SOX6: variants seen among roughly 807,000 people sequenced by gnomAD.
The protein encoded by SOX6 is SRY-box transcription factor 6, also known as transcription factor SOX-6.
A neutral mutation model predicts 97.8 loss-of-function variants in SOX6; 11 were observed. The observed-to-expected ratio is 0.11, with a 90% CI of 0.07 to 0.19. SOX6 has a LOEUF of 0.19. Ranked by LOEUF, SOX6 falls within the 10% of genes least tolerant of loss-of-function variation. SOX6 has a pLI of 1.00. For missense variants in SOX6, 810 were observed against 1,039.5 expected (o/e 0.78, Z 3.04); for synonymous variants, 360 against 371.4 (o/e 0.97, Z 0.35).
chr11:16,278,263 A>C (rs10734240), intron 3 of SOX6, among the ~76,000 whole-genome samples: 1 of 152,114 alleles, frequency 6.6e-6, no homozygotes, highest in African/African-American at 2.4e-5. Context: ...AACTTTCATT[A>C]AAATAAAAGA....
intron 4 of SOX6, among the ~76,000 whole-genome samples, chr11:16,518,794 G>C (rs1256381143): frequency 1.3e-5 from 2 of 152,008 alleles, no homozygotes; most frequent in African/African-American, 4.8e-5. Flanking sequence ...ACGTAAATAA[G>C]CTGTACTTAT....
intron 1 of SOX6, among the ~76,000 whole-genome samples, chr11:16,419,581 T>C (rs1858989035): frequency 6.6e-6 from 1 of 152,110 alleles, no homozygotes; most frequent in South Asian, 2.1e-4. Flanking sequence ...ATAAAAACAT[T>C]GTTTTTGCAA....
chr11:16,334,454 G>A (rs1856399547), intron 2 of SOX6, among the ~76,000 whole-genome samples: 1 of 149,906 alleles, frequency 6.7e-6, no homozygotes, highest in African/African-American at 2.5e-5. Flanking sequence ...TTGAGATGGA[G>A]TCTTGCTCTG....
chr11:15,997,785 C>CAATG (rs1396986051), intron 13 of SOX6, among the ~76,000 whole-genome samples: 1 of 152,184 alleles, frequency 6.6e-6, no homozygotes, highest in Admixed American at 6.5e-5. Flanking sequence ...AAGATGTCCA[C>CAATG]TCTCACCATT....
At chr11:16,101,260 T>C (rs750103723) in intron 7 of SOX6, among the ~76,000 whole-genome samples, 1 of 151,656 alleles carries the variant, frequency 6.6e-6, no homozygotes, top group Non-Finnish European at 1.5e-5. Context: ...AAGTCTGAAT[T>C]TGTCTTTATG....
At chr11:16,560,005 T>G (rs1434254474) in intron 4 of SOX6, among the ~76,000 whole-genome samples, 1 of 152,170 alleles carries the variant, frequency 6.6e-6, no homozygotes, top group Non-Finnish European at 1.5e-5. Flanking sequence ...AAAAAGGGTG[T>G]CAGACTACAA....
At chr11:16,421,157 A>T (rs559305156) in intron 1 of SOX6, among the ~76,000 whole-genome samples, 1 of 152,304 alleles carries the variant, frequency 6.6e-6, no homozygotes, top group East Asian at 1.9e-4. Flanking sequence ...TATGAAGACA[A>T]TTGTACATAT....
chr11:16,102,411 C>A (rs1848971393), intron 7 of SOX6, among the ~76,000 whole-genome samples: 1 of 151,994 alleles, frequency 6.6e-6, no homozygotes, highest in Admixed American at 6.6e-5. Context: ...ATCCCATGCT[C>A]ATGGTTGGGT....
chr11:16,536,101 C>A (rs1402037515), intron 4 of SOX6, among the ~76,000 whole-genome samples: 1 of 152,136 alleles, frequency 6.6e-6, no homozygotes. Context: ...ACAGGTGGGT[C>A]ACATCAAAGG....
chr11:16,093,823 T>C (rs148917643), intron 9 of SOX6, among the ~76,000 whole-genome samples: 2 of 152,028 alleles, frequency 1.3e-5, no homozygotes, highest in Non-Finnish European at 1.5e-5. Context: ...TATTAAAATA[T>C]CCCTCTACCC....
chr11:16,710,221 T>C (rs1328774383), intron 3 of SOX6, among the ~76,000 whole-genome samples: 2 of 152,194 alleles, frequency 1.3e-5, no homozygotes, highest in African/African-American at 4.8e-5. Context: ...TATTCAACGT[T>C]TCTAAAATTA....
chr11:16,609,354 A>G (rs573942216), intron 4 of SOX6, among the ~76,000 whole-genome samples: 19 of 152,366 alleles, frequency 1.2e-4, no homozygotes, highest in Non-Finnish European at 2.4e-4. Context: ...AAGCACCAGC[A>G]TAACCTGCAG....
chr11:16,137,601 A>G (rs1850004300), intron 6 of SOX6, among the ~76,000 whole-genome samples: 1 of 152,190 alleles, frequency 6.6e-6, no homozygotes, highest in East Asian at 1.9e-4. Context: ...TCTATCAATG[A>G]GATAATAATA....
At chr11:16,389,926 CG>C (rs1251903638) in intron 1 of SOX6, among the ~76,000 whole-genome samples, 2 of 131,258 alleles carry the variant, frequency 1.5e-5, no homozygotes, top group African/African-American at 2.9e-5. Context: ...GCCGAGATGG[CG>C]CCACTGCAGT....
At position 15,971,549 on chromosome 11, in the gene SOX6, C is replaced by G. The variant is rs1348908862; in HGVS notation, c.*1260G>C. On this transcript the variant is annotated 3_prime_UTR_variant, in exon 16 of 16. Transcript: ENST00000683767. The stretch of plus-strand genomic sequence containing the variant: ...ATTAGGGGAAAATTCTGGCAAAAGA[C>G]TTGAGGTCACAGTGAACCTCAGGGG... The G allele has an allele frequency of 6.6e-6, 1 of 152,656 alleles. No homozygotes were observed. Among genetic ancestry groups the G allele is most frequent in the Non-Finnish European group, 1.5e-5 (1 of 68,086 alleles). The allele number at this position is 152,656 out of a possible 1,614,324, so 9.5% of individuals were successfully genotyped here. A position where few individuals can be genotyped will look rare whatever the true frequency, so the allele number is the denominator to read the frequency against.
rs961200220 is a variant in SOX6, at chr11:15,968,025, T to C, written c.*4784A>G. 1.3e-5 allele frequency: 2 copies of C among 152,070 alleles called. No individual in the cohort carries two copies. Among genetic ancestry groups the C allele is most frequent in the Non-Finnish European group, 2.9e-5 (2 of 68,036 alleles). 9.4% of individuals were successfully genotyped at this position (152,070 alleles called of 1,614,324 possible). ...AAAAGGAAATGTGTTTGCATATCAA[T>C]ATTTTCAATGATATTAGTACAGGGG... is the stretch of plus-strand genomic sequence containing the variant. On this transcript the variant is annotated 3_prime_UTR_variant, in exon 16 of 16. Transcript: ENST00000683767.
intron 1 of SOX6, among the ~76,000 whole-genome samples, chr11:16,468,143 C>T (rs1860076862): frequency 6.6e-6 from 1 of 152,106 alleles, no homozygotes; most frequent in African/African-American, 2.4e-5. Context: ...AAGTTTTCTC[C>T]ATCGGGCACT....
At chr11:16,397,375 AC>A (rs952896634) in intron 1 of SOX6, 2 of 151,986 alleles carry the variant, frequency 1.3e-5, no homozygotes, top group African/African-American at 4.8e-5. Context: ...TTCATCTTAG[AC>A]TTAATTGTTT....
At chr11:16,138,970 T>A (rs1230198305) in intron 6 of SOX6, among the ~76,000 whole-genome samples, 1 of 152,116 alleles carries the variant, frequency 6.6e-6, no homozygotes, top group East Asian at 1.9e-4. Context: ...TTTGGGTTGG[T>A]TTTGGAGATT....
Sources: allele counts gnomAD v4.1 joint callset (sites outside exome capture counted in the v4.1 genomes callset), GRCh38; gene constraint gnomAD v4.1.1; transcripts MANE v1.5; gene names NCBI Gene and HGNC (gene_info 2026-07-23, HGNC 2026-07-21).